The following ZNF418 variants were observed in gnomAD, a reference collection of about 807,000 sequenced individuals.
The protein encoded by ZNF418 is zinc finger protein 418.
In ZNF418, 32 loss-of-function variants were observed where a neutral mutation model predicts 32.0. That is an observed-to-expected ratio of 1.00 (90% CI 0.75 to 1.34). ZNF418 has a LOEUF of 1.34. Among genes scored for constraint, ZNF418 ranks in the 40% most tolerant of loss-of-function variants. ZNF418 has a pLI of 0.00. For missense variants in ZNF418, 804 were observed against 812.5 expected (o/e 0.99, Z 0.13); for synonymous variants, 276 against 270.7 (o/e 1.02, Z -0.19).
At chr19:57,928,850 C>T (rs1040753239) in intron 3 of ZNF418, among the ~76,000 whole-genome samples, 19 of 151,922 alleles carry the variant, frequency 1.3e-4, no homozygotes, top group Admixed American at 6.6e-4. Flanking sequence ...AAAAATTAGC[C>T]GGGCGTGGTG....
In ZNF418 at chr19:57,935,333, A is replaced by C; in HGVS notation, c.-253T>G. Reference sequence around the variant, plus strand: ...CGGACCCATAGCTCCAGCGCCTCTCACCTCACAAACCGCAGAAACACACCC... The same window carrying C: ...CGGACCCATAGCTCCAGCGCCTCTCCCCTCACAAACCGCAGAAACACACCC... On this transcript the variant is annotated 5_prime_UTR_variant, in exon 1 of 6. It removes the in-frame stop codon of an upstream open reading frame in the 5' UTR. Transcript: ENST00000396147. 1.5e-6 allele frequency: 1 copy of C among 676,414 alleles called. No homozygotes were observed. The highest frequency in any genetic ancestry group is 1.9e-6 in the Non-Finnish European group (1 of 529,944). The allele number at this position is 676,414 out of a possible 1,614,324, so 41.9% of individuals were successfully genotyped here.
chr19:57,929,202 A>C (rs1023000886), intron 3 of ZNF418, among the ~76,000 whole-genome samples: 3 of 152,338 alleles, frequency 2.0e-5, no homozygotes. Flanking sequence ...GATGCTCTCA[A>C]GAATGGAAAG....
In ZNF418 at chr19:57,926,435, C is replaced by G. The variant is rs1346368747; in HGVS notation, c.1746G>C (p.Arg582Ser). 8 of 1,613,926 alleles carry G rather than the reference C, an allele frequency of 5.0e-6. No homozygotes were observed. Among genetic ancestry groups the G allele is most frequent in the Non-Finnish European group, 5.9e-6 (7 of 1,180,006 alleles). ...AAGGCCTTTCTCCAGTGTGAACTCT[C>G]CTGTGTTCAAGGAGACTGGAGAAGA... Reference protein sequence around the residue: ...GKFFSSLLEHRRVHTGERPYE... With the variant: ...GKFFSSLLEHSRVHTGERPYE... Residue 582 changes from arginine to serine, a missense_variant, in exon 4 of 6, where the codon AGG becomes AGC. By Grantham distance (110) the Arg-to-Ser change is moderately radical. This residue lies in a region of ZNF418 where 475 missense variants were observed against 458.6 expected (regional missense o/e 1.04). Coordinates refer to ENST00000396147, the MANE Select transcript of ZNF418 (RefSeq NM_133460.3).
In ZNF418 at chr19:57,922,160, C is replaced by T. The variant is rs2072020948; in HGVS notation, c.*1095G>A. ...TCATTCTTAGGGTGTGCTTGAGTTA[C>T]TGCTGTCAGATATATCTGTTATACA... On this transcript the variant is annotated 3_prime_UTR_variant, in exon 6 of 6. Transcript: ENST00000396147. 6.5e-6 allele frequency: 1 copy of T among 154,720 alleles called. No individual in the cohort carries two copies. The highest frequency in any genetic ancestry group is 1.4e-5 in the Non-Finnish European group (1 of 69,798). 9.6% of individuals were successfully genotyped at this position (154,720 alleles called of 1,614,324 possible). A position where few individuals can be genotyped will look rare whatever the true frequency, so the allele number is the denominator to read the frequency against.
chr19:57,928,983 G>C (rs1367682621), intron 3 of ZNF418, among the ~76,000 whole-genome samples: 1 of 144,322 alleles, frequency 6.9e-6, no homozygotes, highest in African/African-American at 2.7e-5. Flanking sequence ...GACAAAGAGA[G>C]ACTCCATCTC....
At chr19:57,934,197 G>A (rs1600188824) in intron 1 of ZNF418, 1 of 1,140,904 alleles carries the variant, frequency 8.8e-7, no homozygotes, top group African/African-American at 1.6e-5. Context: ...TAAGGCCAGT[G>A]AGGGAATGGA....
intron 5 of ZNF418, 75 bp downstream of exon 5, chr19:57,923,117 A>G (rs1213613866): frequency 6.6e-6 from 1 of 152,040 alleles, no homozygotes; most frequent in Non-Finnish European, 1.5e-5. Flanking sequence ...CCTGAACAAC[A>G]TGGTAAAACC....
intron 1 of ZNF418, 133 bp from the exon 2 acceptor site, chr19:57,934,035 T>G: frequency 6.8e-7 from 1 of 1,465,512 alleles, no homozygotes; most frequent in Admixed American, 2.4e-5. Flanking sequence ...TTTACATGGG[T>G]TGACAGAAAT....
intron 2 of ZNF418, 87 bp downstream of exon 2, chr19:57,933,730 A>G: frequency 6.4e-7 from 1 of 1,551,004 alleles, no homozygotes; most frequent in Non-Finnish European, 8.9e-7. Context: ...CAAAAAAAAA[A>G]GGAAAATCTA....
chr19:57,925,256 C>G (rs543788041), intron 4 of ZNF418, among the ~76,000 whole-genome samples: 7 of 151,980 alleles, frequency 4.6e-5, no homozygotes, highest in East Asian at 1.9e-4. Flanking sequence ...GTCAGGAGAT[C>G]GAGACCATCC....
Position 57,930,430 on chromosome 19 carries a change from AG to A in ZNF418, c.130del (p.Leu44TrpfsTer104). On this transcript the variant is annotated frameshift_variant, in exon 3 of 6. Transcript: ENST00000396147. LOFTEE classifies it high-confidence loss of function. ...MLENWVLISS[L>X]GCWCGSEDEE... is the part of the protein sequence containing the mutation. Reference sequence around the variant, plus strand: ...AGGGTAGGGTGTGAGGAACTTACCCAGGGAGGATATAAGTACCCAGTTCTCC... The same window carrying A: ...AGGGTAGGGTGTGAGGAACTTACCCAGGAGGATATAAGTACCCAGTTCTCC... 1 of 1,614,132 alleles carries A rather than the reference AG, an allele frequency of 6.2e-7. No individual in the cohort carries two copies. The highest frequency in any genetic ancestry group is 1.1e-5 in the South Asian group (1 of 91,086).
intron 2 of ZNF418, chr19:57,932,657 T>C: frequency 1.4e-6 from 2 of 1,408,860 alleles, no homozygotes; most frequent in African/African-American, 1.5e-5. Context: ...CTAAGAAAAG[T>C]GGAAAACAAA....
At position 57,935,327 on chromosome 19, in the gene ZNF418, C is replaced by T. The variant is rs1021940281; in HGVS notation, c.-247G>A. ...GCGGTTCGGACCCATAGCTCCAGCGCCTCTCACCTCACAAACCGCAGAAAC... is the reference window on the plus strand; with the variant it reads ...GCGGTTCGGACCCATAGCTCCAGCGTCTCTCACCTCACAAACCGCAGAAAC... On this transcript the variant is annotated 5_prime_UTR_variant, in exon 1 of 6. Coordinates refer to ENST00000396147, the MANE Select transcript of ZNF418 (RefSeq NM_133460.3). 9 of 754,402 alleles carry T rather than the reference C, an allele frequency of 1.2e-5. No homozygotes were observed. In the African/African-American group the frequency reaches 1.3e-4, roughly 11 times the overall value. The allele number at this position is 754,402 out of a possible 1,614,324, so 46.7% of individuals were successfully genotyped here.
chr19:57,923,539 T>TAC (rs34833982), intron 4 of ZNF418, among the ~76,000 whole-genome samples: 5,900 of 144,030 alleles, frequency 0.041, 197 homozygotes, highest in African/African-American at 0.09. Context: ...TATATATACA[T>TAC]ACACACACAC....
At chr19:57,934,343 A>C (rs914471637) in intron 1 of ZNF418, 7 of 373,500 alleles carry the variant, frequency 1.9e-5, no homozygotes, top group Non-Finnish European at 2.6e-5. Context: ...GCCTCTGAGT[A>C]GCTGGGATTA....
In ZNF418 at chr19:57,926,568, T is replaced by A. The variant is rs755782877; in HGVS notation, c.1613A>T (p.Tyr538Phe). 1.2e-5 allele frequency: 20 copies of A among 1,614,030 alleles called. No individual in the cohort carries two copies. The highest frequency in any genetic ancestry group is 1.6e-5 in the Non-Finnish European group (19 of 1,180,052). ...HRRVHTGERP[Y>F]ECGECGKSFH... Reference sequence around the variant, plus strand: ...TGACTTTCCACATTCTCCACATTCATAAGGCCTTTCTCCAGTATGAACTCT... The same window carrying A: ...TGACTTTCCACATTCTCCACATTCAAAAGGCCTTTCTCCAGTATGAACTCT... Residue 538 changes from tyrosine to phenylalanine, a missense_variant, in exon 4 of 6, where the codon TAT becomes TTT. By Grantham distance (22) the Tyr-to-Phe change is conservative (BLOSUM62 3). Transcript: ENST00000396147.
intron 4 of ZNF418, 78 bp from the exon 5 acceptor site, chr19:57,923,367 T>C (rs1393737495): frequency 6.6e-6 from 1 of 151,828 alleles, no homozygotes. Context: ...TATTTTTCTA[T>C]TTAGTGACAC....
In ZNF418 at chr19:57,927,751, C is replaced by A. The variant is rs764588787; in HGVS notation, c.430G>T (p.Ala144Ser). The change falls in exon 4 of 6, where the codon GCA becomes TCA. Residue 144 changes from alanine to serine, a missense_variant. This residue lies in a region of ZNF418 where 307 missense variants were observed against 304.9 expected (regional missense o/e 1.01). Coordinates refer to ENST00000396147, the MANE Select transcript of ZNF418 (RefSeq NM_133460.3). Reference protein sequence around the residue: ...EKPYRSSVEEALFVKRCKFHV... With the variant: ...EKPYRSSVEESLFVKRCKFHV... ...AACTTACACCTCTTCACAAACAATGCTTCCTCAACACTGCTTCTATAGGGT... is the reference window on the plus strand; with the variant it reads ...AACTTACACCTCTTCACAAACAATGATTCCTCAACACTGCTTCTATAGGGT... 5.0e-6 allele frequency: 8 copies of A among 1,614,094 alleles called. No homozygotes were observed. Among genetic ancestry groups the A allele is most frequent in the Non-Finnish European group, 6.8e-6 (8 of 1,180,050 alleles).
chr19:57,935,235 C>A lies in ZNF418; in HGVS notation c.-155G>T. ...AAGCACTGCCGGGAGCGGCGGGCGC[C>A]GTTACGGGGCCTAAGATCTGCCTCT... On this transcript the variant is annotated 5_prime_UTR_variant, in exon 1 of 6. Transcript: ENST00000396147. 1 of 1,218,806 alleles carries A rather than the reference C, an allele frequency of 8.2e-7. No homozygotes were observed. Among genetic ancestry groups the A allele is most frequent in the African/African-American group, 1.6e-5 (1 of 62,968 alleles). The allele number at this position is 1,218,806 out of a possible 1,614,324, so 75.5% of individuals were successfully genotyped here.
Sources: gnomAD v4.1 joint callset for allele counts (sites outside exome capture counted in the v4.1 genomes callset) on GRCh38, gnomAD v4.1.1 for gene constraint, gnomAD v4.1.1 regional missense constraint, MANE v1.5 for transcripts, NCBI Gene and HGNC (gene_info 2026-07-23, HGNC 2026-07-21) for gene names.